Variants in ATXN7 observed in about 807,000 individuals in gnomAD.
The protein encoded by ATXN7 is ataxin 7.
In ATXN7, 12 loss-of-function variants were observed where a neutral mutation model predicts 70.5. The observed-to-expected ratio is 0.17, with a 90% CI of 0.11 to 0.28. The LOEUF (loss-of-function observed/expected upper bound fraction) is 0.28, where lower values mean the gene tolerates loss of function less well. Among genes scored for constraint, ATXN7 ranks in the 10% least tolerant of loss-of-function variants. The probability of loss-of-function intolerance (pLI) is 1.00; values close to 1 mark genes in which losing one functional copy is unlikely to be tolerated. For missense variants in ATXN7, 1,256 were observed against 1,131.7 expected (o/e 1.11, Z -1.58); for synonymous variants, 498 against 448.7 (o/e 1.11, Z -1.39).
chr3:63,908,895 T>A (rs1164481507), intron 2 of ATXN7, among the ~76,000 whole-genome samples: 2 of 152,148 alleles, frequency 1.3e-5, no homozygotes, highest in African/African-American at 4.8e-5. Context: ...AATATGTCCT[T>A]GGAAGGGATG....
chr3:63,938,454 C>G (rs1306103325), intron 4 of ATXN7, among the ~76,000 whole-genome samples: 1 of 152,190 alleles, frequency 6.6e-6, no homozygotes, highest in Non-Finnish European at 1.5e-5. Flanking sequence ...AGTTAACACT[C>G]CCCTTTCCCC....
intron 2 of ATXN7, among the ~76,000 whole-genome samples, chr3:63,906,790 G>T (rs192787729): frequency 6.6e-6 from 1 of 152,198 alleles, no homozygotes; most frequent in African/African-American, 2.4e-5. Flanking sequence ...GGGTTGGGGT[G>T]GGGGCATGTT....
intron 12 of ATXN7, chr3:63,999,183 C>A (rs2075805313): frequency 4.9e-6 from 2 of 404,762 alleles, no homozygotes; most frequent in East Asian, 4.4e-5. Flanking sequence ...AACATAAGAG[C>A]CTTTTCTCTA....
At chr3:63,956,450 T>C (rs1395527579) in intron 5 of ATXN7, among the ~76,000 whole-genome samples, 4 of 114,340 alleles carry the variant, frequency 3.5e-5, no homozygotes, top group South Asian at 2.8e-4. Flanking sequence ...AAAAAAAGAG[T>C]AAGGTGTTTC....
At chr3:63,876,845 G>A (rs550354751) in intron 1 of ATXN7, among the ~76,000 whole-genome samples, 101 of 152,266 alleles carry the variant, frequency 6.6e-4, no homozygotes, top group African/African-American at 2.3e-3. Flanking sequence ...CTGTCTCTTA[G>A]CCATATAACT....
chr3:63,900,521 A>G (rs1214210237), intron 2 of ATXN7: 1 of 152,282 alleles, frequency 6.6e-6, no homozygotes, highest in African/African-American at 2.4e-5. Context: ...CGTTGAAGTC[A>G]TCACGTTGAA....
At chr3:63,863,330 C>T (rs1702277902), upstream of ATXN7, 2 of 593,036 alleles carry the variant, frequency 3.4e-6, no homozygotes, top group Non-Finnish European at 4.3e-6. Flanking sequence ...CACAAACCTT[C>T]CAGGCCCCCA....
At chr3:63,990,971 C>CAAAGGCCAG in intron 11 of ATXN7, 112 bp downstream of exon 11, 1 of 1,526,548 alleles carries the variant, frequency 6.6e-7, no homozygotes, top group Non-Finnish European at 8.9e-7. Context: ...CAAAACTGGC[C>CAAAGGCCAG]TTTGGCCCTG....
At chr3:63,940,297 A>T (rs2107360623) in intron 4 of ATXN7, among the ~76,000 whole-genome samples, 1 of 150,986 alleles carries the variant, frequency 6.6e-6, no homozygotes, top group East Asian at 2.0e-4. Flanking sequence ...ACACACACAC[A>T]CACACACACA....
chr3:63,936,835 G>T (rs186734996), intron 4 of ATXN7, among the ~76,000 whole-genome samples: 45 of 152,264 alleles, frequency 3.0e-4, no homozygotes, highest in African/African-American at 1.1e-3. Flanking sequence ...ATTCTACTCA[G>T]CCCATATTTT....
chr3:63,949,640 C>T (rs550501480), intron 4 of ATXN7, among the ~76,000 whole-genome samples: 11 of 152,256 alleles, frequency 7.2e-5, no homozygotes, highest in East Asian at 1.9e-4. Flanking sequence ...TCGGGTAATC[C>T]GCCTTCCTCG....
intron 1 of ATXN7, among the ~76,000 whole-genome samples, chr3:63,871,339 T>G (rs542266018): frequency 2.6e-5 from 4 of 152,198 alleles, no homozygotes; most frequent in Non-Finnish European, 5.9e-5. Flanking sequence ...GTAAAATGTG[T>G]TCTTACTTTT....
intron 1 of ATXN7, among the ~76,000 whole-genome samples, chr3:63,867,597 T>C (rs1256686609): frequency 2.6e-5 from 4 of 152,218 alleles, no homozygotes; most frequent in Admixed American, 6.5e-5. Context: ...CAGTGGCTTA[T>C]GCCTGTAATC....
chr3:63,912,592 G>A lies in ATXN7; in HGVS notation c.-7G>A, dbSNP rs923197707. The A allele has an allele frequency of 2.7e-6, 3 of 1,107,858 alleles. No individual in the cohort carries two copies. The highest frequency in any genetic ancestry group is 4.9e-5 in the South Asian group (2 of 40,838). 68.6% of individuals were successfully genotyped at this position (1,107,858 alleles called of 1,614,324 possible). On this transcript the variant is annotated 5_prime_UTR_variant, in exon 3 of 13. Transcript: ENST00000674280. ...CTTTTTTTTGTTACATTGTAGGAGCGGAAAGAATGTCGGAGCGGGCCGCGG... is the reference window on the plus strand; with the variant it reads ...CTTTTTTTTGTTACATTGTAGGAGCAGAAAGAATGTCGGAGCGGGCCGCGG...
chr3:63,963,146 G>C (rs1477294858), intron 5 of ATXN7, among the ~76,000 whole-genome samples: 1 of 151,848 alleles, frequency 6.6e-6, no homozygotes, highest in African/African-American at 2.4e-5. Context: ...AAACTCCTGG[G>C]CTGAAGCAAT....
chr3:63,891,104 G>A (rs1031129193), intron 1 of ATXN7, among the ~76,000 whole-genome samples: 1 of 152,060 alleles, frequency 6.6e-6, no homozygotes, highest in Admixed American at 6.5e-5. Flanking sequence ...CCACCTCCCG[G>A]GTTCAAGTGA....
intron 1 of ATXN7, among the ~76,000 whole-genome samples, chr3:63,876,145 T>C (rs1331530964): frequency 6.6e-6 from 1 of 152,232 alleles, no homozygotes; most frequent in African/African-American, 2.4e-5. Context: ...CTGTGAGCCT[T>C]TGGAATCCTT....
chr3:63,865,765 G>C (rs1699070138), intron 1 of ATXN7, among the ~76,000 whole-genome samples: 1 of 150,298 alleles, frequency 6.7e-6, no homozygotes, highest in Admixed American at 6.6e-5. Flanking sequence ...CGTAGTGGCG[G>C]GCGCCTGTAG....
intron 1 of ATXN7, among the ~76,000 whole-genome samples, chr3:63,876,137 G>A (rs1378699867): frequency 2.0e-5 from 3 of 152,130 alleles, no homozygotes; most frequent in Non-Finnish European, 4.4e-5. Context: ...TGTAGATACT[G>A]TGAGCCTTTG....
Sources: gnomAD v4.1 joint callset for allele counts (sites outside exome capture counted in the v4.1 genomes callset) on GRCh38, gnomAD v4.1.1 for gene constraint, MANE v1.5 for transcripts, NCBI Gene and HGNC (gene_info 2026-07-23, HGNC 2026-07-21) for gene names.